PRR16: variants seen among roughly 807,000 people sequenced by gnomAD.
PRR16 encodes the protein protein Largen.
Under a neutral mutation model 18.2 loss-of-function variants are expected in PRR16, and 6 were observed. That is an observed-to-expected ratio of 0.33 (90% CI 0.18 to 0.65). PRR16 has a LOEUF of 0.65. PRR16 is among the 30% of genes least tolerant of loss of function. PRR16 has a pLI of 0.74. For synonymous variants in PRR16, 151 were observed against 147.8 expected (o/e 1.02, Z -0.16); for missense variants, 412 against 376.6 (o/e 1.09, Z -0.78).
At chr5:120,537,902 A>G (rs1374326640) in intron 1 of PRR16, among the ~76,000 whole-genome samples, 1 of 147,428 alleles carries the variant, frequency 6.8e-6, no homozygotes, top group Non-Finnish European at 1.5e-5. Context: ...TCAGCCTCCC[A>G]AGTAGCTGGG....
chr5:120,635,107 G>C (rs1014540816), intron 1 of PRR16, among the ~76,000 whole-genome samples: 2 of 152,072 alleles, frequency 1.3e-5, no homozygotes, highest in African/African-American at 4.8e-5. Flanking sequence ...CAAGCAGTAA[G>C]GTTGAAATGG....
the PRR16 span, among the ~76,000 whole-genome samples, chr5:120,704,711 G>T: frequency 5.9e-5 from 9 of 152,214 alleles, no homozygotes; most frequent in South Asian, 1.9e-3. Context: ...TCAGACATCA[G>T]TAGGCTTCAA....
chr5:120,682,438 TC>T (rs1169083733), intron 1 of PRR16, among the ~76,000 whole-genome samples: 2 of 152,164 alleles, frequency 1.3e-5, no homozygotes, highest in Admixed American at 6.5e-5. Context: ...TTTTTTATTC[TC>T]TTGGAATTTT....
the PRR16 span, among the ~76,000 whole-genome samples, chr5:120,737,682 ATT>A: frequency 2.0e-5 from 3 of 150,788 alleles, no homozygotes; most frequent in East Asian, 5.9e-4. Flanking sequence ...ATTAGTGTTA[ATT>A]CTATTTTCAG....
At chr5:120,767,915 AATT>A in the PRR16 span, among the ~76,000 whole-genome samples, 1 of 151,850 alleles carries the variant, frequency 6.6e-6, no homozygotes, top group Admixed American at 6.6e-5. Context: ...ATGATATATC[AATT>A]ATATCACAAT....
chr5:120,599,664 T>G (rs1753919845), intron 1 of PRR16, among the ~76,000 whole-genome samples: 1 of 151,920 alleles, frequency 6.6e-6, no homozygotes, highest in African/African-American at 2.4e-5. Flanking sequence ...TAACATGTAT[T>G]ATCGTTTTCT....
At chr5:120,489,105 G>A (rs1749924968) in intron 1 of PRR16, among the ~76,000 whole-genome samples, 1 of 152,182 alleles carries the variant, frequency 6.6e-6, no homozygotes, top group South Asian at 2.1e-4. Flanking sequence ...GTGTGGTGTG[G>A]TGCTGAAAAG....
intron 1 of PRR16, among the ~76,000 whole-genome samples, chr5:120,668,543 C>T (rs1296209450): frequency 6.6e-6 from 1 of 152,020 alleles, no homozygotes; most frequent in African/African-American, 2.4e-5. Flanking sequence ...GAGTTTCTTC[C>T]TAGTCTTGAT....
At chr5:120,731,672 G>A in the PRR16 span, among the ~76,000 whole-genome samples, 1 of 152,026 alleles carries the variant, frequency 6.6e-6, no homozygotes, top group African/African-American at 2.4e-5. Flanking sequence ...ACTCTTTTTT[G>A]TGCCCTAGAA....
chr5:120,657,746 C>A, intron 1 of PRR16, among the ~76,000 whole-genome samples: 1 of 151,890 alleles, frequency 6.6e-6, no homozygotes, highest in East Asian at 1.9e-4. Context: ...TTCCCAAGGA[C>A]AGAAGAAGTG....
At chr5:120,764,714 G>A in the PRR16 span, among the ~76,000 whole-genome samples, 1 of 152,036 alleles carries the variant, frequency 6.6e-6, no homozygotes, top group Non-Finnish European at 1.5e-5. Flanking sequence ...AATGCATTTA[G>A]AAGTTCTTAA....
At chr5:120,791,621 A>ATCTATCTATCCG in the PRR16 span, among the ~76,000 whole-genome samples, 1 of 135,166 alleles carries the variant, frequency 7.4e-6, no homozygotes, top group African/African-American at 2.8e-5. Context: ...CTATCTATCT[A>ATCTATCTATCCG]TCCATCCATC....
At position 120,686,100 on chromosome 5, in the gene PRR16, G is replaced by A. The variant is rs377378217; in HGVS notation, c.306G>A (p.Pro102=). The A allele has an allele frequency of 7.0e-5, 113 of 1,613,910 alleles. No homozygotes were observed. The African/African-American group carries it at 9.1e-4, about 13-fold the overall frequency. The change falls in exon 2 of 2, where the codon CCG becomes CCA. Residue 102 remains proline (P), a synonymous_variant. Coordinates refer to ENST00000407149, the MANE Select transcript of PRR16 (RefSeq NM_001300783.2). ...AGATCAAAGTGCAGGCTAATGCACC[G>A]CTTATTAAACCCCCAGCACACCCGT... ...LEKIKVQANA[P]LIKPPAHPSA...
intron 1 of PRR16, among the ~76,000 whole-genome samples, chr5:120,501,978 A>G (rs981095734): frequency 2.0e-5 from 3 of 149,392 alleles, no homozygotes; most frequent in Admixed American, 6.6e-5. Context: ...AAAAAAAAAA[A>G]AAAAGAAAGA....
chr5:120,754,187 T>C, the PRR16 span, among the ~76,000 whole-genome samples: 3 of 100,854 alleles, frequency 3.0e-5, no homozygotes, highest in African/African-American at 1.1e-4. Flanking sequence ...AAATATATAA[T>C]ATATAATTAT....
At chr5:120,718,025 G>C in the PRR16 span, among the ~76,000 whole-genome samples, 10 of 152,166 alleles carry the variant, frequency 6.6e-5, no homozygotes, top group African/African-American at 2.4e-4. Flanking sequence ...TAAAAGCCTT[G>C]TGGATTCAAC....
intron 1 of PRR16, among the ~76,000 whole-genome samples, chr5:120,552,579 GTTGT>G (rs995490766): frequency 3.9e-5 from 6 of 151,946 alleles, no homozygotes; most frequent in African/African-American, 1.2e-4. Context: ...AACTGACGTA[GTTGT>G]TTGTTTTTAG....
At chr5:120,748,333 T>C in the PRR16 span, among the ~76,000 whole-genome samples, 2 of 152,280 alleles carry the variant, frequency 1.3e-5, no homozygotes, top group African/African-American at 4.8e-5. Context: ...ACATATTTGC[T>C]TTACTTTTGA....
the PRR16 span, among the ~76,000 whole-genome samples, chr5:120,759,237 A>T: frequency 6.6e-6 from 1 of 151,972 alleles, no homozygotes; most frequent in Non-Finnish European, 1.5e-5. Context: ...CGGCCTCCCA[A>T]AGTGCTGGGA....
Sources: allele counts gnomAD v4.1 joint callset (sites outside exome capture counted in the v4.1 genomes callset), GRCh38; gene constraint gnomAD v4.1.1; transcripts MANE v1.5; gene names NCBI Gene and HGNC (gene_info 2026-07-23, HGNC 2026-07-21).